Variants in APBA1 observed in about 807,000 individuals in gnomAD.
APBA1 encodes amyloid-beta A4 precursor protein-binding family A member 1.
A neutral mutation model predicts 86.6 loss-of-function variants in APBA1; 55 were observed. The ratio of observed to expected loss-of-function variants is 0.64; its 90% confidence interval spans 0.51 to 0.80. The LOEUF is 0.80. Among genes scored for constraint, APBA1 ranks in the 30% least tolerant of loss-of-function variants. The probability of loss-of-function intolerance (pLI) is 0.00; values close to 1 mark genes in which losing one functional copy is unlikely to be tolerated. For missense variants in APBA1, 1,090 were observed against 1,183.0 expected (o/e 0.92, Z 1.15); for synonymous variants, 511 against 493.9 (o/e 1.03, Z -0.46).
At chr9:69,462,923 G>C (rs1835214170) in intron 5 of APBA1, 1 of 152,170 alleles carries the variant, frequency 6.6e-6, no homozygotes, top group Non-Finnish European at 1.5e-5. Flanking sequence ...TAAGAAGTTT[G>C]TAGGCAATGC....
chr9:69,613,144 C>A (rs533929364), intron 1 of APBA1, among the ~76,000 whole-genome samples: 2 of 152,026 alleles, frequency 1.3e-5, no homozygotes, highest in African/African-American at 2.4e-5. Context: ...TTATTTATGT[C>A]TTTCTAAATA....
In APBA1 at chr9:69,614,314, C is replaced by T. The variant is rs1270641444; in HGVS notation, c.-70+57839G>A. ...TAGTCAGGCCCGTGGAGAGTATCAA[C>T]GGATGCTTCTCTCATCTTGTGGAGA... is the stretch of plus-strand genomic sequence containing the variant. On this transcript the variant is annotated intron_variant, in intron 1 of 12. Transcript: ENST00000265381. Among the ~76,000 whole-genome samples, 9 of 152,212 alleles carry T rather than the reference C, an allele frequency of 5.9e-5. No individual in the cohort carries two copies. The East Asian group carries it at 9.7e-4, about 16-fold the overall frequency.
intron 1 of APBA1, among the ~76,000 whole-genome samples, chr9:69,553,064 C>T (rs996942777): frequency 1.3e-5 from 2 of 152,196 alleles, no homozygotes; most frequent in East Asian, 1.9e-4. Flanking sequence ...CCACTACACT[C>T]GGCTAATTTT....
chr9:69,638,991 G>A (rs1174678495), intron 1 of APBA1, among the ~76,000 whole-genome samples: 1 of 152,162 alleles, frequency 6.6e-6, no homozygotes, highest in East Asian at 1.9e-4. Context: ...CAGGGTCCAT[G>A]CCCCATTCTC....
chr9:69,526,411 G>T (rs1836343622), intron 1 of APBA1, among the ~76,000 whole-genome samples: 1 of 152,014 alleles, frequency 6.6e-6, no homozygotes, highest in Non-Finnish European at 1.5e-5. Flanking sequence ...ACGAGGAAAA[G>T]ACATGAACAA....
intron 1 of APBA1, among the ~76,000 whole-genome samples, chr9:69,631,904 C>T (rs752293706): frequency 1.3e-5 from 2 of 151,718 alleles, no homozygotes; most frequent in African/African-American, 2.4e-5. Flanking sequence ...TGGGACCTGT[C>T]GTGGGGTTGG....
At chr9:69,440,236 A>C (rs898993053) in intron 11 of APBA1, among the ~76,000 whole-genome samples, 23 of 152,180 alleles carry the variant, frequency 1.5e-4, no homozygotes, top group Middle Eastern at 3.4e-3. Flanking sequence ...GGTCAGGGAC[A>C]CACTTCAGGA....
At chr9:69,486,042 C>G (rs1049835093) in intron 2 of APBA1, among the ~76,000 whole-genome samples, 4 of 151,926 alleles carry the variant, frequency 2.6e-5, no homozygotes, top group African/African-American at 9.7e-5. Flanking sequence ...ACCTCTGCCT[C>G]CTGGGTTCAA....
At chr9:69,617,477 C>T (rs1206568319) in intron 1 of APBA1, among the ~76,000 whole-genome samples, 1 of 151,908 alleles carries the variant, frequency 6.6e-6, no homozygotes, top group African/African-American at 2.4e-5. Context: ...GTGTATCCAG[C>T]CTAGATTTGA....
chr9:69,614,057 T>G (rs1395021409), intron 1 of APBA1, among the ~76,000 whole-genome samples: 3 of 152,218 alleles, frequency 2.0e-5, no homozygotes, highest in Non-Finnish European at 4.4e-5. Context: ...AAAGTGAGCT[T>G]TGAAAGGGTT....
chr9:69,618,148 C>T (rs138484861), intron 1 of APBA1, among the ~76,000 whole-genome samples: 91 of 152,268 alleles, frequency 6.0e-4, no homozygotes, highest in African/African-American at 1.9e-3. Context: ...TTATCATTTC[C>T]GAGCTAGTCA....
At chr9:69,644,551 C>T (rs148574336) in intron 1 of APBA1, among the ~76,000 whole-genome samples, 22 of 152,360 alleles carry the variant, frequency 1.4e-4, no homozygotes, top group African/African-American at 4.6e-4. Context: ...CCTAAATGCT[C>T]TCATTACAGA....
chr9:69,506,230 G>A (rs1197353643), intron 2 of APBA1, among the ~76,000 whole-genome samples: 1 of 151,794 alleles, frequency 6.6e-6, no homozygotes, highest in Non-Finnish European at 1.5e-5. Flanking sequence ...GCGAGCCAAA[G>A]CAGGGCGAGG....
Position 69,657,204 on chromosome 9 carries a change from G to A in APBA1, c.-70+14949C>T, listed in dbSNP as rs150017928. On this transcript the variant is annotated intron_variant, in intron 1 of 12. Transcript: ENST00000265381. ...TATTCCCATGGGGAAGAGAAGACAA[G>A]TCTGTTAAGTGGGTAGAAAGAAGCT... is the stretch of plus-strand genomic sequence containing the variant. Among the ~76,000 whole-genome samples the A allele has an allele frequency of 2.9e-3, 448 of 152,350 alleles. 1 individual carries two copies. The highest frequency in any genetic ancestry group is 0.01 in the African/African-American group (423 of 41,592).
At chr9:69,520,904 T>A (rs965998100) in intron 1 of APBA1, among the ~76,000 whole-genome samples, 3 of 152,090 alleles carry the variant, frequency 2.0e-5, no homozygotes, top group African/African-American at 7.2e-5. Flanking sequence ...CTCCAGTCCA[T>A]CCTCCCCACT....
intron 1 of APBA1, among the ~76,000 whole-genome samples, chr9:69,628,455 T>G (rs1363662614): frequency 3.9e-5 from 6 of 152,200 alleles, no homozygotes. Context: ...TAATTTAAAC[T>G]GCCCATCCTT....
chr9:69,606,953 CATT>C (rs1281352388), intron 1 of APBA1, among the ~76,000 whole-genome samples: 1 of 152,062 alleles, frequency 6.6e-6, no homozygotes, highest in African/African-American at 2.4e-5. Flanking sequence ...TAACTGGATA[CATT>C]AAAAAATACA....
intron 1 of APBA1, among the ~76,000 whole-genome samples, chr9:69,558,852 T>G (rs957113921): frequency 6.6e-6 from 1 of 152,192 alleles, no homozygotes; most frequent in Non-Finnish European, 1.5e-5. Flanking sequence ...GTTCCTGCAT[T>G]AGTTTGCAAG....
chr9:69,428,984 G>A lies in APBA1; in HGVS notation c.*2343C>T, dbSNP rs923132997. 2.6e-5 allele frequency: 4 copies of A among 152,208 alleles called. No homozygotes were observed. The highest frequency in any genetic ancestry group is 5.9e-5 in the Non-Finnish European group (4 of 68,046). The allele number at this position is 152,208 out of a possible 1,614,324, so 9.4% of individuals were successfully genotyped here. ...TTCAGCACCTCTCAAAGTTTACAAGGTTTTTGTGCAATAGGAATAGAAAGT... is the reference window on the plus strand; with the variant it reads ...TTCAGCACCTCTCAAAGTTTACAAGATTTTTGTGCAATAGGAATAGAAAGT... On this transcript the variant is annotated 3_prime_UTR_variant, in exon 13 of 13. Coordinates refer to ENST00000265381, the MANE Select transcript of APBA1 (RefSeq NM_001163.4).
Sources: gnomAD v4.1 joint callset for allele counts (sites outside exome capture counted in the v4.1 genomes callset) on GRCh38, gnomAD v4.1.1 for gene constraint, MANE v1.5 for transcripts, NCBI Gene and HGNC (gene_info 2026-07-23, HGNC 2026-07-21) for gene names.